The following EIF2B1 variants were observed in gnomAD, a reference collection of about 807,000 sequenced individuals.
The protein encoded by EIF2B1 is translation initiation factor eIF2B subunit alpha.
A neutral mutation model predicts 36.8 loss-of-function variants in EIF2B1; 30 were observed. The ratio of observed to expected loss-of-function variants is 0.81; its 90% CI spans 0.61 to 1.10. EIF2B1 has a LOEUF of 1.10. EIF2B1 is among the 50% of genes least tolerant of loss of function. The probability of loss-of-function intolerance (pLI) is 0.00; values close to 1 mark genes in which losing one functional copy is unlikely to be tolerated. For synonymous variants in EIF2B1, 139 were observed against 142.2 expected (o/e 0.98, Z 0.16); for missense variants, 271 against 374.8 (o/e 0.72, Z 2.29).
At chr12:123,623,444 C>A (rs949315577) in intron 7 of EIF2B1, among the ~76,000 whole-genome samples, 3 of 152,024 alleles carry the variant, frequency 2.0e-5, no homozygotes, top group Admixed American at 1.3e-4. Context: ...AAATTGGAAC[C>A]TTTGTGCTTT....
intron 2 of EIF2B1, among the ~76,000 whole-genome samples, chr12:123,631,604 C>G (rs977350472): frequency 6.6e-6 from 1 of 151,664 alleles, no homozygotes; most frequent in African/African-American, 2.4e-5. Context: ...GTCAGGAGAT[C>G]GAGACCATTC....
Position 123,620,619 on chromosome 12 carries a change from T to TATATATATAA in EIF2B1, c.*1127_*1136dup, listed in dbSNP as rs1379818886. 7 of 120,558 alleles carry TATATATATAA rather than the reference T, an allele frequency of 5.8e-5. No homozygotes were observed. The highest frequency in any genetic ancestry group is 2.2e-4 in the African/African-American group (6 of 27,310). The allele number at this position is 120,558 out of a possible 1,614,324, so 7.5% of individuals were successfully genotyped here. The stretch of plus-strand genomic sequence containing the variant: ...ATATATATATATATATATATATATA[T>TATATATATAA]ATATATATAAGCTCTTTTTTCTGAG... On this transcript the variant is annotated 3_prime_UTR_variant, in exon 9 of 9. Transcript: ENST00000424014.
At chr12:123,623,795 T>TA (rs1955126607) in intron 7 of EIF2B1, among the ~76,000 whole-genome samples, 1 of 152,062 alleles carries the variant, frequency 6.6e-6, no homozygotes, top group East Asian at 1.9e-4. Context: ...ATATTTTAAC[T>TA]AAAAAAAGCT....
intron 4 of EIF2B1, among the ~76,000 whole-genome samples, 170 bp from the exon 5 acceptor site, chr12:123,627,326 C>A (rs776524315): frequency 3.3e-5 from 5 of 152,176 alleles, no homozygotes; most frequent in Non-Finnish European, 5.9e-5. Context: ...CATGTGCAAG[C>A]TAAAAAAGTT....
intron 6 of EIF2B1, 70 bp downstream of exon 6, chr12:123,626,355 A>C (rs536275457): frequency 1.9e-6 from 3 of 1,595,934 alleles, no homozygotes; most frequent in Non-Finnish European, 2.6e-6. Context: ...CAAACTTTCA[A>C]TCTGAAAACT....
At chr12:123,631,182 G>A (rs1182872796) in intron 2 of EIF2B1, among the ~76,000 whole-genome samples, 1 of 152,108 alleles carries the variant, frequency 6.6e-6, no homozygotes, top group African/African-American at 2.4e-5. Context: ...TACGCATCAT[G>A]GTTAACACAA....
intron 6 of EIF2B1, chr12:123,626,078 A>G (rs1227005772): frequency 6.6e-6 from 2 of 303,708 alleles, no homozygotes; most frequent in Admixed American, 8.5e-5. Context: ...GATTGCAGTG[A>G]ACCAAGATCA....
chr12:123,623,257 G>C (rs986502802), intron 7 of EIF2B1, among the ~76,000 whole-genome samples: 3 of 151,778 alleles, frequency 2.0e-5, no homozygotes, highest in Admixed American at 2.0e-4. Context: ...GGGATGGGGG[G>C]TGCCTGTAAT....
chr12:123,626,152 AAACAAAAACAACAAC>A, intron 6 of EIF2B1: 2 of 470,338 alleles, frequency 4.3e-6, no homozygotes, highest in South Asian at 4.6e-5. Flanking sequence ...AAAAACAAAC[AAACAAAAACAACAAC>A]AACAACAAAC....
chr12:123,627,920 G>A (rs1206769250), intron 4 of EIF2B1, among the ~76,000 whole-genome samples: 1 of 152,216 alleles, frequency 6.6e-6, no homozygotes, highest in Non-Finnish European at 1.5e-5. Flanking sequence ...CCCCAAGATT[G>A]CCAGACCAGG....
At position 123,632,355 on chromosome 12, in the gene EIF2B1, C is replaced by A. The variant is rs748206578; in HGVS notation, c.105G>T (p.Lys35Asn). Residue 35 changes from lysine to asparagine, a missense_variant, in exon 2 of 9, where the codon AAG (lysine) becomes AAT (asparagine). Lys to Asn is a moderately conservative substitution (Grantham distance 94, BLOSUM62 0). Coordinates refer to ENST00000424014, the MANE Select transcript of EIF2B1 (RefSeq NM_001414.4). ...TGACTCTCTATATACCTTTATCTCTCTTCAAGAACTCCAGCAACGTCCGGA... is the reference window on the plus strand; with the variant it reads ...TGACTCTCTATATACCTTTATCTCTATTCAAGAACTCCAGCAACGTCCGGA... ...AAIRTLLEFL[K>N]RDKGETIQGL... is the part of the protein sequence containing the mutation. 1 of 1,610,320 alleles carries A rather than the reference C, an allele frequency of 6.2e-7. No homozygotes were observed. The highest frequency in any genetic ancestry group is 1.1e-5 in the South Asian group (1 of 91,032).
Position 123,629,511 on chromosome 12 carries a change from G to A in EIF2B1, c.369+658C>T, listed in dbSNP as rs973759538. Among the ~76,000 whole-genome samples, 96 of 152,224 alleles carry A rather than the reference G, an allele frequency of 6.3e-4. 1 individual carries two copies. Among genetic ancestry groups the A allele is most frequent in the African/African-American group, 2.3e-3 (94 of 41,552 alleles). ...AAACACTGTATTAAATCAAGAATCA[G>A]GGCCAGGTGCGGTGGCTCACGCCTG... On this transcript the variant is annotated intron_variant, in intron 4 of 8. Transcript: ENST00000424014.
At chr12:123,628,991 G>A (rs1001076873) in intron 4 of EIF2B1, among the ~76,000 whole-genome samples, 5 of 151,392 alleles carry the variant, frequency 3.3e-5, no homozygotes, top group Admixed American at 2.0e-4. Context: ...TGTGGAAGGA[G>A]AAGGCCCCAG....
intron 2 of EIF2B1, among the ~76,000 whole-genome samples, chr12:123,631,126 G>A (rs1272005912): frequency 6.6e-6 from 1 of 152,142 alleles, no homozygotes; most frequent in African/African-American, 2.4e-5. Context: ...CTGGCACAAG[G>A]TGGAGGCCTA....
At chr12:123,633,444 C>A (rs1955218305) in intron 1 of EIF2B1, 101 bp downstream of exon 1, 1 of 1,558,110 alleles carries the variant, frequency 6.4e-7, no homozygotes, top group South Asian at 1.1e-5. Context: ...GCCTGAAATT[C>A]AAAAGAAATC....
At chr12:123,627,294 C>T (rs1325686573) in intron 4 of EIF2B1, 138 bp from the exon 5 acceptor site, 1 of 755,878 alleles carries the variant, frequency 1.3e-6, no homozygotes, top group African/African-American at 1.7e-5. Context: ...AGAAAGGAGA[C>T]CTGATGGTAC....
intron 7 of EIF2B1, among the ~76,000 whole-genome samples, chr12:123,623,636 C>T (rs759122121): frequency 2.6e-5 from 4 of 151,988 alleles, no homozygotes; most frequent in African/African-American, 4.8e-5. Context: ...CCATGCCCAG[C>T]TAATTTTTTG....
intron 6 of EIF2B1, 149 bp from the exon 7 acceptor site, chr12:123,625,011 C>A: frequency 1.4e-6 from 1 of 702,584 alleles, no homozygotes; most frequent in Non-Finnish European, 2.5e-6. Flanking sequence ...ACGCGATAGA[C>A]CCCTGGCATT....
rs1204876427 is a variant in EIF2B1, at chr12:123,623,158, A to G, written c.628-397T>C. ...CACTTTGGGAGGCCGAGGTGGGTGG[A>G]TCACCTGAGGTCAGGAGTTTGAGAC... On this transcript the variant is annotated intron_variant, in intron 7 of 8. Coordinates refer to ENST00000424014, the MANE Select transcript of EIF2B1 (RefSeq NM_001414.4). Among the ~76,000 whole-genome samples, 3 of 152,278 alleles carry G rather than the reference A, an allele frequency of 2.0e-5. No individual in the cohort carries two copies. In the East Asian group the frequency reaches 5.8e-4, roughly 29 times the overall value.
Sources: gnomAD v4.1 joint callset for allele counts (sites outside exome capture counted in the v4.1 genomes callset) on GRCh38, gnomAD v4.1.1 for gene constraint, MANE v1.5 for transcripts, NCBI Gene and HGNC (gene_info 2026-07-23, HGNC 2026-07-21) for gene names.